ATF3: variants seen among roughly 807,000 people sequenced by gnomAD.
The protein encoded by ATF3 is cyclic AMP-dependent transcription factor ATF-3.
ATF3 carries 10 observed loss-of-function variants against 18.4 expected under a neutral mutation model. The ratio of observed to expected loss-of-function variants is 0.54; its 90% CI spans 0.34 to 0.92. ATF3 has a LOEUF of 0.92. Ranked by LOEUF, ATF3 falls within the 40% of genes least tolerant of loss-of-function variation. The pLI is 0.02. For missense variants in ATF3, 183 were observed against 222.3 expected (o/e 0.82, Z 1.12); for synonymous variants, 78 against 87.9 (o/e 0.89, Z 0.63).
chr1:212,609,749 TG>T (rs1442854624), intron 1 of ATF3, among the ~76,000 whole-genome samples: 3 of 152,048 alleles, frequency 2.0e-5, no homozygotes, highest in Admixed American at 1.3e-4. Context: ...GAAGCGAGGG[TG>T]TGGAGCCACT....
At chr1:212,575,922 G>A (rs1490544770) in intron 1 of ATF3, among the ~76,000 whole-genome samples, 1 of 152,122 alleles carries the variant, frequency 6.6e-6, no homozygotes, top group Non-Finnish European at 1.5e-5. Context: ...TGAAAAATGA[G>A]ATTAAGTTAT....
At chr1:212,610,347 G>T (rs1274549352) in intron 1 of ATF3, among the ~76,000 whole-genome samples, 2 of 152,194 alleles carry the variant, frequency 1.3e-5, no homozygotes, top group Non-Finnish European at 2.9e-5. Flanking sequence ...CATATCTTCT[G>T]TTCGAAGTTT....
At chr1:212,601,177 A>G (rs1654474258) in intron 1 of ATF3, among the ~76,000 whole-genome samples, 1 of 152,220 alleles carries the variant, frequency 6.6e-6, no homozygotes, top group South Asian at 2.1e-4. Flanking sequence ...ATTTTGGGAA[A>G]AGAATAAAAG....
At chr1:212,589,045 A>T (rs1231873409) in intron 1 of ATF3, among the ~76,000 whole-genome samples, 1 of 152,228 alleles carries the variant, frequency 6.6e-6, no homozygotes, top group African/African-American at 2.4e-5. Flanking sequence ...CGCTTTGAAC[A>T]TTTGAACCCA....
Position 212,615,336 on chromosome 1 carries a change from G to T in ATF3, c.240+75G>T, listed in dbSNP as rs1655074103. ...GCCACTGTGTGTTGGGCATGTTCTA[G>T]GCAGGGGGCTGTTGTTGAGAGTGAA... is the stretch of plus-strand genomic sequence containing the variant. On this transcript the variant is annotated intron_variant, in intron 2 of 3. Transcript: ENST00000341491. 11 of 1,537,078 alleles carry T rather than the reference G, an allele frequency of 7.2e-6. No homozygotes were observed. In the South Asian group the frequency reaches 1.3e-4, roughly 18 times the overall value.
At position 212,619,061 on chromosome 1, in the gene ATF3, T is replaced by G; in HGVS notation, c.349-297T>G. ...TTCTCCCCAGCTCCCAAGGCCCTTT[T>G]GGGTCCAGAAGACCTGCATATGGGC... On this transcript the variant is annotated intron_variant, in intron 3 of 3. Transcript: ENST00000341491. The surrounding 1 kb of genome is among the most constrained non-coding windows in gnomAD (Gnocchi z 4.4). The G allele has an allele frequency of 6.2e-7, 1 of 1,614,202 alleles. No individual in the cohort carries two copies. Among genetic ancestry groups the G allele is most frequent in the Non-Finnish European group, 8.5e-7 (1 of 1,180,032 alleles).
intron 1 of ATF3, among the ~76,000 whole-genome samples, chr1:212,570,751 A>G (rs1479311842): frequency 6.6e-6 from 1 of 152,222 alleles, no homozygotes; most frequent in Non-Finnish European, 1.5e-5. Flanking sequence ...TTTCTTTGAC[A>G]GCATAATGTT....
At chr1:212,566,872 A>T (rs1442090307) in intron 1 of ATF3, among the ~76,000 whole-genome samples, 1 of 152,162 alleles carries the variant, frequency 6.6e-6, no homozygotes, top group African/African-American at 2.4e-5. Flanking sequence ...CTGGGAAAGT[A>T]AAACCTCGTA....
chr1:212,590,616 T>C (rs555500444), intron 1 of ATF3, among the ~76,000 whole-genome samples: 7 of 152,198 alleles, frequency 4.6e-5, no homozygotes, highest in Non-Finnish European at 7.3e-5. Flanking sequence ...ATTACTTCAA[T>C]TTTTAAAACG....
chr1:212,596,391 G>A (rs1444691823), intron 1 of ATF3, among the ~76,000 whole-genome samples: 3 of 152,158 alleles, frequency 2.0e-5, no homozygotes, highest in Non-Finnish European at 4.4e-5. Flanking sequence ...TTTTCCAATT[G>A]TTTACTTTAT....
chr1:212,592,805 T>C (rs1443160058), intron 1 of ATF3, among the ~76,000 whole-genome samples: 1 of 152,130 alleles, frequency 6.6e-6, no homozygotes, highest in Non-Finnish European at 1.5e-5. Flanking sequence ...AACAGATCTG[T>C]GGGTTTGGGT....
At chr1:212,589,695 G>A (rs1213655761) in intron 1 of ATF3, among the ~76,000 whole-genome samples, 3 of 140,178 alleles carry the variant, frequency 2.1e-5, no homozygotes, top group Admixed American at 1.4e-4. Context: ...AAAAAAAAAA[G>A]AAAGAAAAAG....
At chr1:212,593,614 G>A (rs1350092156) in intron 1 of ATF3, among the ~76,000 whole-genome samples, 2 of 151,858 alleles carry the variant, frequency 1.3e-5, no homozygotes, top group East Asian at 3.9e-4. Flanking sequence ...GGTGGCATGT[G>A]CCTGTAGTCC....
In ATF3 at chr1:212,615,010, T is replaced by C. The variant is rs1182354315; in HGVS notation, c.-4-8T>C. The C allele has an allele frequency of 3.1e-6, 5 of 1,614,058 alleles. No homozygotes were observed. The highest frequency in any genetic ancestry group is 4.2e-6 in the Non-Finnish European group (5 of 1,180,044). The stretch of plus-strand genomic sequence containing the variant: ...CTGAAACAGTTTGGGTTTCAATGTG[T>C]CTTTCAGCAAAATGATGCTTCAACA... On this transcript the variant is annotated splice_polypyrimidine_tract_variant and splice_region_variant and intron_variant, in intron 1 of 3. Transcript: ENST00000341491.
intron 1 of ATF3, among the ~76,000 whole-genome samples, chr1:212,589,697 A>G (rs1664845832): frequency 6.6e-6 from 1 of 151,902 alleles, no homozygotes. Flanking sequence ...AAAAAAAAGA[A>G]AGAAAAAGAA....
intron 1 of ATF3, among the ~76,000 whole-genome samples, chr1:212,567,689 G>A (rs530224929): frequency 7.9e-5 from 12 of 152,250 alleles, no homozygotes; most frequent in Non-Finnish European, 1.6e-4. Context: ...TATAATAATA[G>A]TCTAAGGTTG....
chr1:212,569,976 C>T (rs1405427487), intron 1 of ATF3, among the ~76,000 whole-genome samples: 2 of 152,080 alleles, frequency 1.3e-5, no homozygotes, highest in Non-Finnish European at 2.9e-5. Context: ...TTTCTATAGA[C>T]ACAAAGAAAT....
intron 1 of ATF3, among the ~76,000 whole-genome samples, chr1:212,576,504 CACTTT>C (rs760627497): frequency 7.1e-4 from 107 of 151,624 alleles, no homozygotes; most frequent in Admixed American, 1.1e-3. Context: ...TTAAGTTGAA[CACTTT>C]ACTTATTTAT....
intron 1 of ATF3, among the ~76,000 whole-genome samples, chr1:212,576,290 A>G (rs1290622208): frequency 1.3e-5 from 2 of 151,822 alleles, no homozygotes; most frequent in East Asian, 1.9e-4. Context: ...ATCTATTTCT[A>G]TCCCTTTTTA....
Sources: allele counts gnomAD v4.1 joint callset (sites outside exome capture counted in the v4.1 genomes callset), GRCh38; gene constraint gnomAD v4.1.1; non-coding constraint Gnocchi (gnomAD v3.1); transcripts MANE v1.5; gene names NCBI Gene and HGNC (gene_info 2026-07-23, HGNC 2026-07-21).